TNFAIP3: variants seen among roughly 807,000 people sequenced by gnomAD.
TNFAIP3 encodes TNF alpha induced protein 3, also known as tumor necrosis factor alpha-induced protein 3.
TNFAIP3 carries 9 observed loss-of-function variants against 72.4 expected under a neutral mutation model. The observed-to-expected ratio is 0.12, with a 90% confidence interval of 0.07 to 0.22. TNFAIP3 has a LOEUF of 0.22. Ranked by LOEUF, TNFAIP3 falls within the 10% of genes least tolerant of loss-of-function variation. The pLI is 1.00. For synonymous variants in TNFAIP3, 339 were observed against 372.6 expected, an observed-to-expected ratio of 0.91 and a Z score of 1.04; for missense variants, 833 against 1,018.7, an observed-to-expected ratio of 0.82 and a Z score of 2.48.
At chr6:137,875,659 A>T in intron 3 of TNFAIP3, 29 bp from the exon 4 acceptor site, 1 of 1,613,452 alleles carries the variant, frequency 6.2e-7, no homozygotes, top group Non-Finnish European at 8.5e-7. Flanking sequence ...GGATACATTC[A>T]AGCTTTTTTT....
upstream of TNFAIP3, chr6:137,866,838 T>C (rs1185686576): frequency 6.6e-6 from 1 of 152,352 alleles, no homozygotes; most frequent in Non-Finnish European, 1.5e-5. Context: ...TTCTTTCTTA[T>C]TTCCCTTCTT....
chr6:137,878,970 G>T lies in TNFAIP3; in HGVS notation c.1525G>T (p.Ala509Ser). The change falls in exon 7 of 9, where the codon GCC (alanine) becomes TCC (serine). Residue 509 changes from alanine to serine, a missense_variant. Ala to Ser is a moderately conservative substitution (Grantham distance 99, BLOSUM62 1). This residue lies in a region of TNFAIP3 where 587 missense variants were observed against 657.8 expected (regional missense o/e 0.89). Coordinates refer to ENST00000612899, the MANE Select transcript of TNFAIP3 (RefSeq NM_001270508.2). ...HNARQLHASH[A>S]PDHTRHLDPG... ...CGCCCGGCAACTTCACGCCAGCCAC[G>T]CCCCAGACCACACAAGGCACTTGGA... The T allele has an allele frequency of 6.2e-7, 1 of 1,614,202 alleles. No homozygotes were observed. The highest frequency in any genetic ancestry group is 8.5e-7 in the Non-Finnish European group (1 of 1,180,032).
Position 137,871,398 on chromosome 6 carries a change from T to C in TNFAIP3, c.171T>C (p.Cys57=). ...AAATGTTCAGAACTTGCCAGTTTTGTCCTCAGTTTCGGGAGATCATCCACA... is the reference window on the plus strand; with the variant it reads ...AAATGTTCAGAACTTGCCAGTTTTGCCCTCAGTTTCGGGAGATCATCCACA... ...TLEMFRTCQF[C]PQFREIIHKA... The change falls in exon 2 of 9, where the codon TGT becomes TGC. Residue 57 remains cysteine (C), a synonymous_variant. Coordinates refer to ENST00000612899, the MANE Select transcript of TNFAIP3 (RefSeq NM_001270508.2). This position sits in a 1 kb window ranked among gnomAD's most constrained non-coding sequence, Gnocchi z 4.2. The C allele has an allele frequency of 6.2e-7, 1 of 1,614,194 alleles. No homozygotes were observed. The highest frequency in any genetic ancestry group is 8.5e-7 in the Non-Finnish European group (1 of 1,180,028).
chr6:137,883,017 T>C lies in TNFAIP3; in HGVS notation c.*1698T>C. The C allele has an allele frequency of 4.5e-6, 1 of 221,682 alleles. No homozygotes were observed. Among genetic ancestry groups the C allele is most frequent in the East Asian group, 6.7e-5 (1 of 14,844 alleles). 13.7% of individuals were successfully genotyped at this position (221,682 alleles called of 1,614,324 possible). ...GGCACACTTTCCCCTTAGAGCCCCC[T>C]AAGTTTTTCCCAGACGAATCTTTAT... On this transcript the variant is annotated 3_prime_UTR_variant, in exon 9 of 9. Coordinates refer to ENST00000612899, the MANE Select transcript of TNFAIP3 (RefSeq NM_001270508.2).
Position 137,871,249 on chromosome 6 carries a change from C to A in TNFAIP3, c.22C>A (p.Gln8Lys), listed in dbSNP as rs1461832435. 6.2e-7 allele frequency: 1 copy of A among 1,613,066 alleles called. No individual in the cohort carries two copies. Among genetic ancestry groups the A allele is most frequent in the South Asian group, 1.1e-5 (1 of 91,026 alleles). The change falls in exon 2 of 9, where the codon CAG (glutamine) becomes AAG (lysine). Residue 8 changes from glutamine to lysine, a missense_variant. Coordinates refer to ENST00000612899, the MANE Select transcript of TNFAIP3 (RefSeq NM_001270508.2). This position sits in a 1 kb window ranked among gnomAD's most constrained non-coding sequence, Gnocchi z 4.2. ...CACAATGGCTGAACAAGTCCTTCCT[C>A]AGGCTTTGTATTTGAGCAATATGCG... MAEQVLPQALYLSNMRKA... is the reference protein window; with the variant it reads MAEQVLPKALYLSNMRKA...
chr6:137,875,166 C>G, intron 3 of TNFAIP3, 131 bp downstream of exon 3: 2 of 1,039,332 alleles, frequency 1.9e-6, no homozygotes, highest in Non-Finnish European at 2.8e-6. Context: ...GAAGCATACT[C>G]AATGGAAAAC....
intron 6 of TNFAIP3, among the ~76,000 whole-genome samples, chr6:137,878,059 C>T (rs1004297475): frequency 6.6e-6 from 1 of 152,178 alleles, no homozygotes; most frequent in African/African-American, 2.4e-5. Context: ...AAACCAATGG[C>T]CTCAGTAATA....
rs747205894 is a variant in TNFAIP3 at position 137,871,569 on chromosome 6, G to A, written c.295+47G>A. On this transcript the variant is annotated intron_variant, in intron 2 of 8. Transcript: ENST00000612899. The surrounding 1 kb of genome is among the most constrained non-coding windows in gnomAD (Gnocchi z 4.2). Reference sequence around the variant, plus strand: ...TTCTTTTGCCTGGGTGATAGCTCCCGCCTGCTGGATCCCCATTCATGAAGC... The same window carrying A: ...TTCTTTTGCCTGGGTGATAGCTCCCACCTGCTGGATCCCCATTCATGAAGC... 29 of 1,584,590 alleles carry A rather than the reference G, an allele frequency of 1.8e-5. No homozygotes were observed. The highest frequency in any genetic ancestry group is 1.8e-4 in the South Asian group (16 of 87,528).
chr6:137,876,180 A>C lies in TNFAIP3; in HGVS notation c.805+14A>C. ...ACAGTGGGCCTGGTGAGAAAACTGC[A>C]TTAATTCACATCTATAACTAGACAC... On this transcript the variant is annotated intron_variant, in intron 5 of 8. Coordinates refer to ENST00000612899, the MANE Select transcript of TNFAIP3 (RefSeq NM_001270508.2). 6.2e-7 allele frequency: 1 copy of C among 1,603,496 alleles called. No individual in the cohort carries two copies. The highest frequency in any genetic ancestry group is 8.5e-7 in the Non-Finnish European group (1 of 1,174,906).
chr6:137,879,168 T>G lies in TNFAIP3; in HGVS notation c.1723T>G (p.Ser575Ala). The G allele has an allele frequency of 6.2e-7, 1 of 1,613,908 alleles. No individual in the cohort carries two copies. Among genetic ancestry groups the G allele is most frequent in the Non-Finnish European group, 8.5e-7 (1 of 1,179,998 alleles). Residue 575 changes from serine (S) to alanine (A), a missense_variant, in exon 7 of 9, where the codon TCC becomes GCC. Transcript: ENST00000612899. ...SDPSRLVRSP[S>A]PHSCHRAGND... Reference sequence around the variant, plus strand: ...TCCCTCGCGGCTCGTCCGGAGCCCCTCCCCGCATTCTTGCCACAGAGCTGG... The same window carrying G: ...TCCCTCGCGGCTCGTCCGGAGCCCCGCCCCGCATTCTTGCCACAGAGCTGG...
chr6:137,870,853 C>T (rs1281491945), intron 1 of TNFAIP3, among the ~76,000 whole-genome samples: 1 of 152,164 alleles, frequency 6.6e-6, no homozygotes, highest in African/African-American at 2.4e-5. Context: ...AGGGTGGCCT[C>T]AGAATGAAAC....
Position 137,878,633 on chromosome 6 carries a change from G to C in TNFAIP3, c.1188G>C (p.Met396Ile), listed in dbSNP as rs2114497922. ...AAACGCCCAACTGCCCCTTCTTCAT[G>C]TCTGTGAACACCCAGCCTTTATGCC... ...KCETPNCPFF[M>I]SVNTQPLCHE... Residue 396 changes from methionine (M) to isoleucine (I), a missense_variant, in exon 7 of 9, where the codon ATG (methionine) becomes ATC (isoleucine). Met to Ile is a conservative substitution (Grantham distance 10). This residue lies in a region of TNFAIP3 where 587 missense variants were observed against 657.8 expected (regional missense o/e 0.89). Transcript: ENST00000612899. 1 of 1,614,212 alleles carries C rather than the reference G, an allele frequency of 6.2e-7. No individual in the cohort carries two copies. The highest frequency in any genetic ancestry group is 1.1e-5 in the South Asian group (1 of 91,086).
intron 8 of TNFAIP3, 102 bp downstream of exon 8, chr6:137,880,354 G>T: frequency 7.9e-7 from 1 of 1,258,374 alleles, no homozygotes; most frequent in East Asian, 2.4e-5. Flanking sequence ...TCTCTGCCAG[G>T]TTCTGTCTCC....
At position 137,877,911 on chromosome 6, in the gene TNFAIP3, G is replaced by A. The variant is rs556796462; in HGVS notation, c.987-521G>A. Among the ~76,000 whole-genome samples the A allele has an allele frequency of 5.3e-5, 8 of 150,418 alleles. No homozygotes were observed. The East Asian group carries it at 5.8e-4, about 11-fold the overall frequency. On this transcript the variant is annotated intron_variant, in intron 6 of 8. Coordinates refer to ENST00000612899, the MANE Select transcript of TNFAIP3 (RefSeq NM_001270508.2). ...CAGAGTCAACAGTAAATAGACAAGC[G>A]CCTTTGAGTGTGTCTGCGTCTTAGT... is the stretch of plus-strand genomic sequence containing the variant.
chr6:137,876,314 T>C (rs917479799), intron 5 of TNFAIP3, 148 bp downstream of exon 5: 2 of 691,000 alleles, frequency 2.9e-6, no homozygotes, highest in African/African-American at 3.6e-5. Flanking sequence ...GTAAGAGTAA[T>C]GCAGTAGCAG....
chr6:137,880,399 A>G (rs918463501), intron 8 of TNFAIP3, 147 bp downstream of exon 8: 2 of 885,372 alleles, frequency 2.3e-6, no homozygotes, highest in East Asian at 2.6e-5. Context: ...CCTGAAGGGG[A>G]ATGTCCATGT....
In TNFAIP3 at chr6:137,871,300, A is replaced by C; in HGVS notation, c.73A>C (p.Thr25Pro). The stretch of plus-strand genomic sequence containing the variant: ...GAAAGCTGTGAAGATACGGGAGAGA[A>C]CTCCAGAAGACATTTTTAAACCTAC... ...MRKAVKIRERTPEDIFKPTNG... is the reference protein window; with the variant it reads ...MRKAVKIRERPPEDIFKPTNG... The change falls in exon 2 of 9, where the codon ACT (threonine) becomes CCT (proline). Residue 25 changes from threonine to proline, a missense_variant. Thr to Pro is a conservative substitution (Grantham distance 38, BLOSUM62 -1). Transcript: ENST00000612899. This position sits in a 1 kb window ranked among gnomAD's most constrained non-coding sequence, Gnocchi z 4.2. 2 of 1,614,076 alleles carry C rather than the reference A, an allele frequency of 1.2e-6. No homozygotes were observed. Among genetic ancestry groups the C allele is most frequent in the Non-Finnish European group, 1.7e-6 (2 of 1,180,016 alleles).
Position 137,882,233 on chromosome 6 carries a change from G to C in TNFAIP3, c.*914G>C, listed in dbSNP as rs554831620. Reference sequence around the variant, plus strand: ...CTGGTTGTTGTTGGGGCATGAGCTTGTGTATACACTGCTTGCATAAACTCA... The same window carrying C: ...CTGGTTGTTGTTGGGGCATGAGCTTCTGTATACACTGCTTGCATAAACTCA... On this transcript the variant is annotated 3_prime_UTR_variant, in exon 9 of 9. Coordinates refer to ENST00000612899, the MANE Select transcript of TNFAIP3 (RefSeq NM_001270508.2). 4.3e-6 allele frequency: 1 copy of C among 232,390 alleles called. No individual in the cohort carries two copies. Among genetic ancestry groups the C allele is most frequent in the South Asian group, 1.8e-4 (1 of 5,528 alleles). 14.4% of individuals were successfully genotyped at this position (232,390 alleles called of 1,614,324 possible).
chr6:137,882,526 G>A lies in TNFAIP3; in HGVS notation c.*1207G>A, dbSNP rs5029968. The stretch of plus-strand genomic sequence containing the variant: ...TCCAAGGTATACATACATATTCATC[G>A]ATGTTTCGTGCTTCTCCTTATGAAA... On this transcript the variant is annotated 3_prime_UTR_variant, in exon 9 of 9. Coordinates refer to ENST00000612899, the MANE Select transcript of TNFAIP3 (RefSeq NM_001270508.2). The A allele has an allele frequency of 5.2e-5, 12 of 232,198 alleles. No homozygotes were observed. The highest frequency in any genetic ancestry group is 2.0e-4 in the African/African-American group (9 of 45,364). The allele number at this position is 232,198 out of a possible 1,614,324, so 14.4% of individuals were successfully genotyped here.
Sources: gnomAD v4.1 joint callset for allele counts (sites outside exome capture counted in the v4.1 genomes callset) on GRCh38, gnomAD v4.1.1 for gene constraint, gnomAD v4.1.1 regional missense constraint, Gnocchi (gnomAD v3.1) non-coding constraint, MANE v1.5 for transcripts, NCBI Gene and HGNC (gene_info 2026-07-23, HGNC 2026-07-21) for gene names.